TRPM8: variants seen among roughly 807,000 people sequenced by gnomAD.
TRPM8 encodes the protein transient receptor potential cation channel subfamily M member 8, also known as TRPM8 cationic channel.
Under a neutral mutation model 133.7 loss-of-function variants are expected in TRPM8, and 110 were observed. That is an observed-to-expected ratio of 0.82 (90% CI 0.70 to 0.96). The LOEUF is 0.96. Ranked by LOEUF, TRPM8 falls within the 40% of genes least tolerant of loss-of-function variation. The probability of loss-of-function intolerance (pLI) is 0.00; values close to 1 mark genes in which losing one functional copy is unlikely to be tolerated. For missense variants in TRPM8, 1,291 were observed against 1,379.5 expected (o/e 0.94, Z 1.02); for synonymous variants, 535 against 532.3 (o/e 1.01, Z -0.07).
intron 11 of TRPM8, among the ~76,000 whole-genome samples, chr2:233,957,173 TA>T (rs1245514347): frequency 6.6e-6 from 1 of 152,198 alleles, no homozygotes; most frequent in Non-Finnish European, 1.5e-5. Context: ...AGTTGGTTGT[TA>T]AATACAGTCA....
At chr2:233,937,165 A>C in intron 3 of TRPM8, 188 bp from the exon 4 acceptor site, 3 of 630,286 alleles carry the variant, frequency 4.8e-6, no homozygotes, top group Non-Finnish European at 7.9e-6. Context: ...CAAAGTGCTG[A>C]GATTACAGGC....
Position 233,988,248 on chromosome 2 carries a change from G to C in TRPM8, c.2939+2383G>C, listed in dbSNP as rs376341279. ...TACTTGTCCTCTGTCTGGATTGCCT[G>C]TTCCATCCCGAACTTCTCTTCCTGC... On this transcript the variant is annotated intron_variant, in intron 21 of 25. Coordinates refer to ENST00000324695, the MANE Select transcript of TRPM8 (RefSeq NM_024080.5). Among the ~76,000 whole-genome samples, 6 of 151,934 alleles carry C rather than the reference G, an allele frequency of 3.9e-5. No individual in the cohort carries two copies. In the East Asian group the frequency reaches 5.8e-4, roughly 15 times the overall value.
At chr2:233,961,148 C>T in intron 12 of TRPM8, 82 bp downstream of exon 12, 5 of 1,372,826 alleles carry the variant, frequency 3.6e-6, no homozygotes, top group South Asian at 1.4e-5. Context: ...TTCCCTACTC[C>T]CTATCTTATT....
At chr2:233,934,538 G>A (rs1033504203) in intron 3 of TRPM8, among the ~76,000 whole-genome samples, 24 of 152,122 alleles carry the variant, frequency 1.6e-4, no homozygotes, top group Non-Finnish European at 3.1e-4. Context: ...TGCAGTCCAC[G>A]TCAATGCACC....
At chr2:233,945,469 C>T (rs1438227333) in intron 6 of TRPM8, among the ~76,000 whole-genome samples, 1 of 152,096 alleles carries the variant, frequency 6.6e-6, no homozygotes, top group African/African-American at 2.4e-5. Context: ...CTGCTTCTAC[C>T]TGTATCCAGA....
intron 23 of TRPM8, among the ~76,000 whole-genome samples, chr2:234,007,509 C>A (rs566818616): frequency 1.3e-5 from 2 of 152,156 alleles, no homozygotes; most frequent in African/African-American, 4.8e-5. Flanking sequence ...ATAGATAAGT[C>A]ATAGCTAAGT....
At chr2:233,963,450 T>A in intron 13 of TRPM8, 73 bp downstream of exon 13, 1 of 852,842 alleles carries the variant, frequency 1.2e-6, no homozygotes. Context: ...CCTCTCAAAA[T>A]TCGCATGCCT....
Position 234,006,825 on chromosome 2 carries a change from G to T in TRPM8, c.3131-28G>T. On this transcript the variant is annotated intron_variant, in intron 22 of 25. Coordinates refer to ENST00000324695, the MANE Select transcript of TRPM8 (RefSeq NM_024080.5). ...AAGCAAGGGGCAAATGAAACAATTTGAATGTTTTCTTTTTCTCATTATTCA... is the reference window on the plus strand; with the variant it reads ...AAGCAAGGGGCAAATGAAACAATTTTAATGTTTTCTTTTTCTCATTATTCA... The T allele has an allele frequency of 1.9e-6, 3 of 1,541,324 alleles. No individual in the cohort carries two copies. In the South Asian group the frequency reaches 3.4e-5, roughly 18 times the overall value.
chr2:233,964,813 C>G, intron 14 of TRPM8, 56 bp downstream of exon 14: 1 of 1,530,118 alleles, frequency 6.5e-7, no homozygotes, highest in Non-Finnish European at 8.9e-7. Context: ...GTGGCACAGA[C>G]ATTGCCAGCG....
At chr2:233,938,043 C>G (rs1164542133) in intron 4 of TRPM8, among the ~76,000 whole-genome samples, 1 of 152,190 alleles carries the variant, frequency 6.6e-6, no homozygotes, top group Non-Finnish European at 1.5e-5. Context: ...CCATGGCATT[C>G]CTGGTAGGTG....
In TRPM8 at chr2:233,923,009, A is replaced by G. The variant is rs1238922404; in HGVS notation, c.-5-3524A>G. On this transcript the variant is annotated intron_variant, in intron 1 of 25. Transcript: ENST00000324695. ...CAGCCTCCTGAGTAGCTGGGACTAC[A>G]GGCACCCGCCACCACGCCTGGCTAA... Among the ~76,000 whole-genome samples the G allele has an allele frequency of 8.5e-5, 13 of 152,178 alleles. No homozygotes were observed. In the East Asian group the frequency reaches 2.5e-3, roughly 29 times the overall value.
intron 1 of TRPM8, among the ~76,000 whole-genome samples, chr2:233,925,066 CCTGGG>C (rs1486407239): frequency 1.3e-5 from 2 of 152,138 alleles, no homozygotes; most frequent in African/African-American, 4.8e-5. Context: ...GTCATGGCCC[CCTGGG>C]CTGAGGGTCT....
chr2:233,919,279 A>G (rs138702139), intron 1 of TRPM8, among the ~76,000 whole-genome samples: 8 of 152,286 alleles, frequency 5.3e-5, no homozygotes, highest in African/African-American at 1.7e-4. Context: ...AAAATTATTC[A>G]TGACCATTGA....
rs1341445558 is a variant in TRPM8 at position 233,947,088 on chromosome 2, A to T, written c.875A>T (p.Asp292Val). 3 of 1,614,010 alleles carry T rather than the reference A, an allele frequency of 1.9e-6. No individual in the cohort carries two copies. The highest frequency in any genetic ancestry group is 1.6e-4 in the Middle Eastern group (1 of 6,062). The change falls in exon 8 of 26, where the codon GAT (aspartate) becomes GTT (valine). Residue 292 changes from aspartate to valine, a missense_variant and splice_region_variant. By Grantham distance (152) the Asp-to-Val change is radical. Around this residue, in one of 2 missense-constraint regions of TRPM8, gnomAD observed 963 missense variants for 968.9 expected, o/e 0.99. Transcript: ENST00000324695. The stretch of plus-strand genomic sequence containing the variant: ...ATGCTTTACTTTTTATATTTTACAG[A>T]TTCCAACTATGGTGGCAAGATCCCC... Reference protein sequence around the residue: ...EKYISERTIQDSNYGGKIPIV... With the variant: ...EKYISERTIQVSNYGGKIPIV...
chr2:234,007,622 C>A (rs1692726571), intron 23 of TRPM8, among the ~76,000 whole-genome samples: 1 of 152,138 alleles, frequency 6.6e-6, no homozygotes, highest in South Asian at 2.1e-4. Context: ...CCTGAGGGTT[C>A]AAAACACACC....
intron 24 of TRPM8, among the ~76,000 whole-genome samples, chr2:234,010,599 A>C (rs1692812152): frequency 1.3e-5 from 2 of 152,156 alleles, no homozygotes; most frequent in Non-Finnish European, 2.9e-5. Context: ...CCTTCCCACC[A>C]ATAGTGTACA....
intron 13 of TRPM8, among the ~76,000 whole-genome samples, chr2:233,963,763 A>G (rs1015002685): frequency 1.3e-5 from 2 of 152,234 alleles, no homozygotes; most frequent in Admixed American, 6.5e-5. Context: ...GTGATTTAGC[A>G]TGTAAGGACT....
chr2:233,994,331 C>G (rs2125340342), intron 21 of TRPM8, among the ~76,000 whole-genome samples: 1 of 152,292 alleles, frequency 6.6e-6, no homozygotes, highest in South Asian at 2.1e-4. Context: ...GAAGAAACGC[C>G]AGGCTGGCTG....
intron 1 of TRPM8, among the ~76,000 whole-genome samples, chr2:233,924,087 T>C (rs966021990): frequency 6.6e-6 from 1 of 152,204 alleles, no homozygotes; most frequent in Non-Finnish European, 1.5e-5. Flanking sequence ...CCATGGATGA[T>C]AAGCTTCTCA....
Sources: gnomAD v4.1 joint callset for allele counts (sites outside exome capture counted in the v4.1 genomes callset) on GRCh38, gnomAD v4.1.1 for gene constraint, gnomAD v4.1.1 regional missense constraint, MANE v1.5 for transcripts, NCBI Gene and HGNC (gene_info 2026-07-23, HGNC 2026-07-21) for gene names.